The following REC114 variants were observed in gnomAD, a reference collection of about 807,000 sequenced individuals.
The protein encoded by REC114 is meiotic recombination protein REC114.
REC114 carries 27 observed loss-of-function variants against 31.3 expected under a neutral mutation model. The ratio of observed to expected loss-of-function variants is 0.86; its 90% confidence interval spans 0.64 to 1.19. The LOEUF (loss-of-function observed/expected upper bound fraction) is 1.19, where lower values mean the gene tolerates loss of function less well. Ranked by LOEUF, REC114 falls within the 50% of genes most tolerant of loss-of-function variation. The pLI is 0.00. For synonymous variants in REC114, 134 were observed against 127.7 expected, an observed-to-expected ratio of 1.05 and a Z score of -0.33; for missense variants, 344 against 326.9, an observed-to-expected ratio of 1.05 and a Z score of -0.40.
At chr15:73,457,480 G>A (rs907407156) in intron 1 of REC114, among the ~76,000 whole-genome samples, 2 of 152,086 alleles carry the variant, frequency 1.3e-5, no homozygotes, top group Non-Finnish European at 2.9e-5. Context: ...CCTAGGACTC[G>A]AAGCTTCATC....
chr15:73,517,351 C>T (rs1893872130), intron 2 of REC114, among the ~76,000 whole-genome samples: 1 of 152,146 alleles, frequency 6.6e-6, no homozygotes. Context: ...AGGTATCTCT[C>T]ACAGTGTTGT....
At chr15:73,449,259 A>G (rs1892811574) in intron 1 of REC114, among the ~76,000 whole-genome samples, 1 of 152,174 alleles carries the variant, frequency 6.6e-6, no homozygotes, top group African/African-American at 2.4e-5. Flanking sequence ...AAAAAAGGTT[A>G]GATGAATTGC....
chr15:73,554,872 T>C lies in REC114; in HGVS notation c.547-1430T>C, dbSNP rs1040411265. Among the ~76,000 whole-genome samples the C allele has an allele frequency of 4.6e-5, 7 of 152,194 alleles. No homozygotes were observed. The South Asian group carries it at 1.4e-3, about 32-fold the overall frequency. On this transcript the variant is annotated intron_variant, in intron 4 of 5. Coordinates refer to ENST00000331090, the MANE Select transcript of REC114 (RefSeq NM_001042367.2). ...TCTTTGTGTGAGCTGAAATGATAGG[T>C]ATTCTAGGAAAGCATCATATGTCAT...
chr15:73,451,343 C>G (rs1892844994), intron 1 of REC114, among the ~76,000 whole-genome samples: 1 of 152,200 alleles, frequency 6.6e-6, no homozygotes, highest in Non-Finnish European at 1.5e-5. Context: ...TCAGAGAATA[C>G]TATAAACACC....
At chr15:73,513,813 C>T (rs1288817498) in intron 2 of REC114, among the ~76,000 whole-genome samples, 1 of 151,600 alleles carries the variant, frequency 6.6e-6, no homozygotes, top group African/African-American at 2.4e-5. Flanking sequence ...CTCAGATCTC[C>T]AGCTGCGTGC....
chr15:73,467,792 A>T (rs1009635476), intron 1 of REC114, among the ~76,000 whole-genome samples: 1 of 152,208 alleles, frequency 6.6e-6, no homozygotes, highest in Non-Finnish European at 1.5e-5. Flanking sequence ...AACAACGCAA[A>T]CATTAGCTTA....
chr15:73,445,014 C>A (rs375212257), intron 1 of REC114, among the ~76,000 whole-genome samples: 1 of 152,178 alleles, frequency 6.6e-6, no homozygotes, highest in Non-Finnish European at 1.5e-5. Context: ...TTGGTCTCAA[C>A]AGTGGGCTTA....
intron 2 of REC114, among the ~76,000 whole-genome samples, chr15:73,525,396 C>G (rs1893992116): frequency 6.6e-6 from 1 of 151,664 alleles, no homozygotes; most frequent in African/African-American, 2.4e-5. Flanking sequence ...CTACTTATTT[C>G]TGGTTTAGTT....
At chr15:73,509,292 G>GT in intron 2 of REC114, among the ~76,000 whole-genome samples, 1 of 142,380 alleles carries the variant, frequency 7.0e-6, no homozygotes, top group African/African-American at 3.0e-5. Context: ...TGATGGGGTT[G>GT]TTTTTTTCTT....
intron 1 of REC114, among the ~76,000 whole-genome samples, chr15:73,461,672 GTTAT>G (rs1393625823): frequency 1.3e-5 from 2 of 151,994 alleles, no homozygotes; most frequent in Non-Finnish European, 2.9e-5. Context: ...TTGTGCTATT[GTTAT>G]TTAACTGATG....
chr15:73,494,346 A>G (rs75314966), intron 2 of REC114, among the ~76,000 whole-genome samples: 23,357 of 151,874 alleles, frequency 0.15, 2,667 homozygotes, highest in African/African-American at 0.32. Context: ...ACAAAAATTA[A>G]CTAGGTGTGG....
At chr15:73,550,671 A>G (rs1438682423) in intron 3 of REC114, among the ~76,000 whole-genome samples, 1 of 152,172 alleles carries the variant, frequency 6.6e-6, no homozygotes, top group Non-Finnish European at 1.5e-5. Context: ...CAGTATAGTG[A>G]TCTTCCTGTC....
intron 4 of REC114, among the ~76,000 whole-genome samples, chr15:73,554,767 G>A (rs1419880836): frequency 1.3e-5 from 2 of 152,222 alleles, no homozygotes; most frequent in Non-Finnish European, 2.9e-5. Context: ...TCTAATCCTA[G>A]AGCCCGCTAG....
At chr15:73,496,163 C>T (rs1369881431) in intron 2 of REC114, among the ~76,000 whole-genome samples, 1 of 151,446 alleles carries the variant, frequency 6.6e-6, no homozygotes, top group Non-Finnish European at 1.5e-5. Flanking sequence ...ACCATCCTGG[C>T]AAACATGGTG....
intron 2 of REC114, among the ~76,000 whole-genome samples, chr15:73,505,643 T>G (rs1184321344): frequency 1.3e-5 from 2 of 152,156 alleles, no homozygotes; most frequent in Non-Finnish European, 2.9e-5. Context: ...GCCATTCTCC[T>G]GCCTCAGCCT....
chr15:73,526,663 A>C (rs1894012764), intron 2 of REC114, among the ~76,000 whole-genome samples: 1 of 151,624 alleles, frequency 6.6e-6, no homozygotes, highest in Non-Finnish European at 1.5e-5. Context: ...CTTCTTCAAT[A>C]CCCTTTTCTG....
At chr15:73,458,124 T>G (rs928592316) in intron 1 of REC114, among the ~76,000 whole-genome samples, 2 of 152,182 alleles carry the variant, frequency 1.3e-5, no homozygotes, top group Non-Finnish European at 2.9e-5. Flanking sequence ...ATGGCCCAAT[T>G]CTGAAGAAAG....
intron 2 of REC114, among the ~76,000 whole-genome samples, chr15:73,535,911 A>G (rs1318695162): frequency 1.7e-4 from 26 of 150,882 alleles, no homozygotes; most frequent in Middle Eastern, 3.4e-3. Context: ...ACCTGAGAAA[A>G]ACAAGCAATG....
At chr15:73,471,232 A>C (rs1188398278) in intron 1 of REC114, among the ~76,000 whole-genome samples, 1 of 152,206 alleles carries the variant, frequency 6.6e-6, no homozygotes, top group African/African-American at 2.4e-5. Context: ...TAATTTAGAC[A>C]AGACCTATAA....
Sources: gnomAD v4.1 joint callset for allele counts (sites outside exome capture counted in the v4.1 genomes callset) on GRCh38, gnomAD v4.1.1 for gene constraint, MANE v1.5 for transcripts, NCBI Gene and HGNC (gene_info 2026-07-23, HGNC 2026-07-21) for gene names.